Variants in B3GALT1 observed in about 807,000 individuals in gnomAD.
B3GALT1 encodes beta-1,3-galactosyltransferase 1.
B3GALT1 carries 10 observed loss-of-function variants against 23.2 expected under a neutral mutation model. That is an observed-to-expected ratio of 0.43 (90% CI 0.27 to 0.73). B3GALT1 has a LOEUF of 0.73. Ranked by LOEUF, B3GALT1 falls within the 30% of genes least tolerant of loss-of-function variation. B3GALT1 has a pLI of 0.21. For synonymous variants in B3GALT1, 156 were observed against 141.5 expected (o/e 1.10, Z -0.73); for missense variants, 299 against 405.4 (o/e 0.74, Z 2.25).
At chr2:167,359,192 T>TA (rs966068693) in intron 1 of B3GALT1, among the ~76,000 whole-genome samples, 6 of 151,390 alleles carry the variant, frequency 4.0e-5, no homozygotes, top group African/African-American at 7.3e-5. Context: ...CTTGTAAATT[T>TA]AAAAAAAAAG....
At chr2:167,622,498 A>C (rs2105440453) in intron 2 of B3GALT1, among the ~76,000 whole-genome samples, 1 of 152,166 alleles carries the variant, frequency 6.6e-6, no homozygotes, top group African/African-American at 2.4e-5. Flanking sequence ...GAATTAACCA[A>C]CCTACAGAGG....
chr2:167,606,138 C>G (rs554668610), intron 2 of B3GALT1, among the ~76,000 whole-genome samples: 5 of 152,296 alleles, frequency 3.3e-5, no homozygotes, highest in African/African-American at 9.6e-5. Flanking sequence ...TTGCTTTGCT[C>G]CTCCTAGTTC....
chr2:167,461,223 C>A (rs949880789), intron 1 of B3GALT1, among the ~76,000 whole-genome samples: 4 of 152,226 alleles, frequency 2.6e-5, no homozygotes, highest in Non-Finnish European at 5.9e-5. Flanking sequence ...GCTTCAAGAA[C>A]ACATGCATAG....
chr2:167,452,936 A>G (rs1699110947), intron 1 of B3GALT1, among the ~76,000 whole-genome samples: 1 of 152,202 alleles, frequency 6.6e-6, no homozygotes, highest in Non-Finnish European at 1.5e-5. Flanking sequence ...ATTGGTCTGA[A>G]ATGGTGCCTG....
intron 3 of B3GALT1, among the ~76,000 whole-genome samples, chr2:167,682,955 AATC>A: frequency 6.6e-6 from 1 of 152,352 alleles, no homozygotes; most frequent in Non-Finnish European, 1.5e-5. Flanking sequence ...GACTGAAAGA[AATC>A]ATACAGAGCG....
At chr2:167,856,781 T>C (rs1046763542) in intron 4 of B3GALT1, among the ~76,000 whole-genome samples, 3 of 152,166 alleles carry the variant, frequency 2.0e-5, no homozygotes, top group African/African-American at 7.2e-5. Context: ...CCCCTAGCTA[T>C]GAAACCTAGG....
intron 3 of B3GALT1, among the ~76,000 whole-genome samples, chr2:167,809,163 G>A (rs923260518): frequency 1.3e-5 from 2 of 152,146 alleles, no homozygotes; most frequent in Non-Finnish European, 2.9e-5. Context: ...CTCTGCATTG[G>A]TTATTCTAGT....
intron 3 of B3GALT1, among the ~76,000 whole-genome samples, chr2:167,665,818 A>G (rs1442522037): frequency 4.6e-5 from 7 of 152,016 alleles, no homozygotes; most frequent in Non-Finnish European, 1.0e-4. Context: ...TATCCTCTTT[A>G]TCATTTTTAT....
chr2:167,668,115 G>C (rs1686241009), intron 3 of B3GALT1, among the ~76,000 whole-genome samples: 2 of 152,196 alleles, frequency 1.3e-5, no homozygotes, highest in South Asian at 2.1e-4. Context: ...GTGATGTACA[G>C]ATGGGTTTTT....
intron 2 of B3GALT1, among the ~76,000 whole-genome samples, chr2:167,633,329 G>C (rs953709321): frequency 6.6e-6 from 1 of 151,802 alleles, no homozygotes; most frequent in East Asian, 1.9e-4. Flanking sequence ...CATCAGACTT[G>C]TAAATGGGCT....
At chr2:167,790,594 C>A (rs536530197) in intron 3 of B3GALT1, among the ~76,000 whole-genome samples, 3 of 152,348 alleles carry the variant, frequency 2.0e-5, no homozygotes, top group African/African-American at 7.2e-5. Context: ...TAAAGCATTT[C>A]TCTGAAAGGT....
intron 1 of B3GALT1, among the ~76,000 whole-genome samples, chr2:167,344,263 A>G (rs186968058): frequency 2.0e-5 from 3 of 152,200 alleles, no homozygotes. Context: ...ACTTTTATCT[A>G]CTCGCCCCCA....
In B3GALT1 at chr2:167,842,199, C is replaced by T. The variant is rs568790856; in HGVS notation, c.-230+23406C>T. 5.3e-5 allele frequency among the ~76,000 whole-genome samples: 8 copies of T among 152,306 alleles called. No homozygotes were observed. The South Asian group carries it at 1.0e-3, about 20-fold the overall frequency. On this transcript the variant is annotated intron_variant, in intron 4 of 4. Coordinates refer to ENST00000392690, the MANE Select transcript of B3GALT1 (RefSeq NM_020981.4). ...AAAATAGAAACACATGAGGTCTCTC[C>T]AGTTCTTTAGATTTGAGCCTGAGTT...
chr2:167,523,786 A>T (rs908383297), intron 2 of B3GALT1, among the ~76,000 whole-genome samples: 6 of 152,034 alleles, frequency 3.9e-5, no homozygotes, highest in African/African-American at 1.5e-4. Context: ...CAGTATATAC[A>T]CGATGTCCTG....
chr2:167,639,163 G>A (rs778743742), intron 2 of B3GALT1, among the ~76,000 whole-genome samples: 3 of 151,930 alleles, frequency 2.0e-5, no homozygotes, highest in Non-Finnish European at 2.9e-5. Flanking sequence ...CATTGTCTCC[G>A]GAAGAAATAA....
In B3GALT1 at chr2:167,799,424, C is replaced by T. The variant is rs1294207026; in HGVS notation, c.-351-19248C>T. Among the ~76,000 whole-genome samples, 7 of 152,066 alleles carry T rather than the reference C, an allele frequency of 4.6e-5. No individual in the cohort carries two copies. The East Asian group carries it at 1.2e-3, about 25-fold the overall frequency. On this transcript the variant is annotated intron_variant, in intron 3 of 4. Coordinates refer to ENST00000392690, the MANE Select transcript of B3GALT1 (RefSeq NM_020981.4). ...ACCCTTGGCTTAGCTCCCTCTTATA[C>T]GTGAGAACATTGCAGTAGGACATTT...
chr2:167,329,013 G>C (rs1273154440), intron 1 of B3GALT1, among the ~76,000 whole-genome samples: 1 of 151,856 alleles, frequency 6.6e-6, no homozygotes, highest in African/African-American at 2.4e-5. Context: ...GGGTTTCACT[G>C]TGTTGGCCAG....
At position 167,631,243 on chromosome 2, in the gene B3GALT1, G is replaced by T. The variant is rs990491596; in HGVS notation, c.-409-15666G>T. ...ATCATGTTCTGAAACCAATGATTCT[G>T]TGCAGAGTGCCTGCTGAAGATGCTG... On this transcript the variant is annotated intron_variant, in intron 2 of 4. Transcript: ENST00000392690. Among the ~76,000 whole-genome samples, 11 of 151,928 alleles carry T rather than the reference G, an allele frequency of 7.2e-5. No homozygotes were observed. The South Asian group carries it at 2.3e-3, about 31-fold the overall frequency.
At chr2:167,861,954 A>G (rs1225950863) in intron 4 of B3GALT1, among the ~76,000 whole-genome samples, 1 of 152,200 alleles carries the variant, frequency 6.6e-6, no homozygotes, top group Non-Finnish European at 1.5e-5. Flanking sequence ...AACTGGAGAC[A>G]TTCCTTGAGA....
Sources: gnomAD v4.1 joint callset for allele counts (sites outside exome capture counted in the v4.1 genomes callset) on GRCh38, gnomAD v4.1.1 for gene constraint, MANE v1.5 for transcripts, NCBI Gene and HGNC (gene_info 2026-07-23, HGNC 2026-07-21) for gene names.